ERC2: variants seen among roughly 807,000 people sequenced by gnomAD.
ERC2 encodes ERC protein 2.
ERC2 carries 42 observed loss-of-function variants against 114.8 expected under a neutral mutation model. The ratio of observed to expected loss-of-function variants is 0.37; its 90% CI spans 0.29 to 0.47. The LOEUF (loss-of-function observed/expected upper bound fraction) is 0.47. Ranked by LOEUF, ERC2 falls within the 20% of genes least tolerant of loss-of-function variation. The probability of loss-of-function intolerance (pLI) is 0.99; values close to 1 mark genes in which losing one functional copy is unlikely to be tolerated. For synonymous variants in ERC2, 454 were observed against 425.5 expected, an observed-to-expected ratio of 1.07 and a Z score of -0.82; for missense variants, 939 against 1,150.7, an observed-to-expected ratio of 0.82 and a Z score of 2.66.
intron 17 of ERC2, chr3:55,647,227 G>A (rs764601488): frequency 6.7e-6 from 1 of 148,568 alleles, no homozygotes; most frequent in Non-Finnish European, 1.5e-5. Context: ...CCGATGAACT[G>A]TTAATTATAA....
chr3:56,434,203 C>T, intron 2 of ERC2, 148 bp downstream of exon 2: 2 of 661,748 alleles, frequency 3.0e-6, no homozygotes, highest in Non-Finnish European at 5.1e-6. Context: ...TATGCTCTCT[C>T]ATAGTGTCTA....
intron 15 of ERC2, among the ~76,000 whole-genome samples, chr3:55,700,505 A>G (rs2063166954): frequency 6.6e-6 from 1 of 152,210 alleles, no homozygotes. Flanking sequence ...CTAGGAGCGA[A>G]TGATACGATG....
chr3:55,655,427 G>T (rs2060815476), intron 17 of ERC2, among the ~76,000 whole-genome samples: 2 of 152,326 alleles, frequency 1.3e-5, no homozygotes, highest in South Asian at 4.1e-4. Context: ...CACTTGGGCT[G>T]GTTGTTGGGC....
At chr3:56,208,802 C>T (rs1034760101) in intron 3 of ERC2, among the ~76,000 whole-genome samples, 4 of 152,072 alleles carry the variant, frequency 2.6e-5, no homozygotes, top group African/African-American at 9.7e-5. Flanking sequence ...GGGAGGTGCT[C>T]TATAGTCAAG....
chr3:55,729,706 T>C (rs1468363368), intron 15 of ERC2, among the ~76,000 whole-genome samples: 1 of 151,542 alleles, frequency 6.6e-6, no homozygotes, highest in Non-Finnish European at 1.5e-5. Context: ...GGCATGGTTG[T>C]GCACAGCTGT....
At chr3:55,932,443 T>C (rs932784338) in intron 13 of ERC2, among the ~76,000 whole-genome samples, 1 of 152,180 alleles carries the variant, frequency 6.6e-6, no homozygotes, top group Non-Finnish European at 1.5e-5. Context: ...CATGTTTTCT[T>C]AGTAATTCTG....
intron 17 of ERC2, among the ~76,000 whole-genome samples, chr3:55,567,586 G>T (rs2056452984): frequency 6.6e-6 from 1 of 152,112 alleles, no homozygotes; most frequent in Admixed American, 6.5e-5. Context: ...GCCTGGAGTG[G>T]GTGGTGAATG....
intron 14 of ERC2, among the ~76,000 whole-genome samples, chr3:55,789,437 A>C (rs2149072654): frequency 6.6e-6 from 1 of 152,342 alleles, no homozygotes; most frequent in East Asian, 1.9e-4. Flanking sequence ...ATAAGATCCC[A>C]AGTCTCTTAG....
At chr3:56,362,258 A>C (rs1354010201) in intron 2 of ERC2, among the ~76,000 whole-genome samples, 2 of 152,222 alleles carry the variant, frequency 1.3e-5, no homozygotes, top group African/African-American at 4.8e-5. Flanking sequence ...TTAGAGCTTC[A>C]AGGTTCCTCA....
intron 2 of ERC2, among the ~76,000 whole-genome samples, chr3:56,363,005 C>T (rs1476637837): frequency 5.9e-5 from 9 of 152,148 alleles, no homozygotes; most frequent in African/African-American, 1.4e-4. Flanking sequence ...GTTTTTAGGA[C>T]AGCCACATGC....
chr3:56,069,110 A>G (rs2076611133), intron 7 of ERC2, among the ~76,000 whole-genome samples: 2 of 152,164 alleles, frequency 1.3e-5, no homozygotes, highest in Non-Finnish European at 2.9e-5. Context: ...TTTCTGTCTC[A>G]ATGATCCTAT....
chr3:56,439,030 C>T (rs1390094487), intron 1 of ERC2, among the ~76,000 whole-genome samples: 4 of 152,154 alleles, frequency 2.6e-5, no homozygotes, highest in Admixed American at 2.0e-4. Context: ...GGTTTAATAA[C>T]AGATGTATGC....
chr3:56,257,099 G>A (rs1245683661), intron 3 of ERC2, among the ~76,000 whole-genome samples: 1 of 152,110 alleles, frequency 6.6e-6, no homozygotes, highest in East Asian at 1.9e-4. Flanking sequence ...GATTAAATGA[G>A]ATAATGTATG....
chr3:56,324,838 C>T (rs547639584), intron 2 of ERC2, among the ~76,000 whole-genome samples: 1 of 152,152 alleles, frequency 6.6e-6, no homozygotes, highest in South Asian at 2.1e-4. Context: ...CTGCAGCCTC[C>T]TTGCTGTTCT....
intron 14 of ERC2, among the ~76,000 whole-genome samples, chr3:55,827,229 G>T (rs894629676): frequency 6.7e-6 from 1 of 148,988 alleles, no homozygotes; most frequent in Non-Finnish European, 1.5e-5. Flanking sequence ...GAAAAGAAAA[G>T]AAAGAAAGAG....
At chr3:55,730,935 G>A (rs934539657) in intron 15 of ERC2, among the ~76,000 whole-genome samples, 6 of 152,226 alleles carry the variant, frequency 3.9e-5, no homozygotes, top group African/African-American at 1.4e-4. Flanking sequence ...CAGGCCAGAA[G>A]GGTGGCCTTC....
intron 2 of ERC2, among the ~76,000 whole-genome samples, chr3:56,320,093 TC>T (rs1440964310): frequency 6.6e-6 from 1 of 152,136 alleles, no homozygotes; most frequent in African/African-American, 2.4e-5. Flanking sequence ...CAGGAGTTCC[TC>T]CAAGGGAATA....
In ERC2 at chr3:56,079,944, C is replaced by T. The variant is rs149690693; in HGVS notation, c.1641+873G>A. On this transcript the variant is annotated intron_variant, in intron 7 of 17. Transcript: ENST00000288221. ...AACAGGGGACAGTTAGTTCCATTTG[C>T]TGCAGCAGAGCACCTGACAACATGC... is the stretch of plus-strand genomic sequence containing the variant. Among the ~76,000 whole-genome samples, 10 of 152,256 alleles carry T rather than the reference C, an allele frequency of 6.6e-5. No homozygotes were observed. In the East Asian group the frequency reaches 1.9e-3, roughly 29 times the overall value.
chr3:55,712,961 T>C (rs1198807521), intron 15 of ERC2, among the ~76,000 whole-genome samples: 2 of 152,158 alleles, frequency 1.3e-5, no homozygotes, highest in African/African-American at 4.8e-5. Flanking sequence ...CATGTGTCCT[T>C]ACATCTGCTA....
Sources: allele counts gnomAD v4.1 joint callset (sites outside exome capture counted in the v4.1 genomes callset), GRCh38; gene constraint gnomAD v4.1.1; transcripts MANE v1.5; gene names NCBI Gene and HGNC (gene_info 2026-07-23, HGNC 2026-07-21).